TPRX1: variants seen among roughly 807,000 people sequenced by gnomAD.
TPRX1 encodes tetra-peptide repeat homeobox protein 1.
Under a neutral mutation model 8.1 loss-of-function variants are expected in TPRX1, and 2 were observed. That is an observed-to-expected ratio of 0.25 (90% confidence interval 0.10 to 0.78). TPRX1 has a LOEUF of 0.78. Among genes scored for constraint, TPRX1 ranks in the 30% least tolerant of loss-of-function variants. TPRX1 has a pLI of 0.70. For synonymous variants in TPRX1, 257 were observed against 254.1 expected (o/e 1.01, Z -0.11); for missense variants, 517 against 586.9 (o/e 0.88, Z 1.23).
chr19:47,802,143 G>T (rs1481656838), exon 4 of TPRX1: 1 of 1,591,706 alleles, frequency 6.3e-7, no homozygotes, highest in South Asian at 1.2e-5. Context: ...ATCCGGCCAG[G>T]ACTTAAGATG....
At chr19:47,815,125 T>TATATATATATATATGCAA (rs1555800010) in intron 2 of TPRX1, among the ~76,000 whole-genome samples, 5,135 of 97,184 alleles carry the variant, frequency 0.053, 258 homozygotes, top group Non-Finnish European at 0.087. Flanking sequence ...TATATATATA[T>TATATATATATATATGCAA]ATATATATAT....
At chr19:47,811,896 C>T (rs1225896425) in intron 2 of TPRX1, among the ~76,000 whole-genome samples, 5 of 151,476 alleles carry the variant, frequency 3.3e-5, no homozygotes, top group South Asian at 2.1e-4. Context: ...GACGGAGTTT[C>T]GCTCTTGTTG....
chr19:47,802,515 G>C lies in TPRX1; in HGVS notation c.787C>G (p.Pro263Ala), dbSNP rs998707960. 13 of 1,548,346 alleles carry C rather than the reference G, an allele frequency of 8.4e-6. No homozygotes were observed. In the African/African-American group the frequency reaches 1.2e-4, roughly 15 times the overall value. ...GGGCCTGAGAATGGGCCTGAGATTG[G>C]GCCTGGGATCGGGGCTGGGCCTGAA... The change falls in exon 4 of 4, where the codon CCA becomes GCA. Residue 263 changes from proline to alanine, a missense_variant. Pro to Ala is a conservative substitution (Grantham distance 27, BLOSUM62 -1). Transcript: ENST00000535759.
intron 2 of TPRX1, among the ~76,000 whole-genome samples, chr19:47,815,117 TATA>T (rs1967820292): frequency 1.4e-5 from 1 of 70,894 alleles, no homozygotes; most frequent in Non-Finnish European, 2.8e-5. Context: ...AGATAAATTA[TATA>T]TATATATATA....
At chr19:47,818,246 C>CCCAT (rs756906028) in intron 2 of TPRX1, among the ~76,000 whole-genome samples, 2,393 of 129,806 alleles carry the variant, frequency 0.018, 67 homozygotes, top group African/African-American at 0.054. Flanking sequence ...CCATCCATCA[C>CCCAT]CCATCCATCC....
chr19:47,801,824 C>G, exon 4 of TPRX1: 1 of 1,614,072 alleles, frequency 6.2e-7, no homozygotes, highest in South Asian at 1.1e-5. Context: ...ATTCACAGAG[C>G]CACCCTCCTC....
At chr19:47,801,901 G>A in exon 4 of TPRX1, 4 of 1,614,184 alleles carry the variant, frequency 2.5e-6, no homozygotes, top group Non-Finnish European at 3.4e-6. Flanking sequence ...GAGAGGTCAT[G>A]GTGGAGACTG....
intron 2 of TPRX1, among the ~76,000 whole-genome samples, chr19:47,811,597 C>G (rs1215971790): frequency 6.7e-6 from 1 of 150,298 alleles, no homozygotes; most frequent in African/African-American, 2.5e-5. Context: ...CTCCCGGATT[C>G]AAGCGATTCT....
chr19:47,811,496 CT>C (rs34677329), intron 2 of TPRX1, among the ~76,000 whole-genome samples: 14,280 of 118,360 alleles, frequency 0.12, 693 homozygotes, highest in Middle Eastern at 0.2. Context: ...TTCATGGCAA[CT>C]TTTTTTTTTT....
intron 2 of TPRX1, among the ~76,000 whole-genome samples, chr19:47,807,935 A>G (rs574755955): frequency 7.9e-5 from 12 of 151,686 alleles, no homozygotes; most frequent in African/African-American, 2.2e-4. Flanking sequence ...CTTTGACTCA[A>G]TGATTTTTTT....
chr19:47,809,425 C>T (rs76963106), intron 2 of TPRX1, among the ~76,000 whole-genome samples: 1 of 151,928 alleles, frequency 6.6e-6, no homozygotes, highest in East Asian at 1.9e-4. Context: ...AGAGGACAGG[C>T]GCATGTGCCA....
At chr19:47,813,766 C>T (rs999962769) in intron 2 of TPRX1, among the ~76,000 whole-genome samples, 5 of 152,022 alleles carry the variant, frequency 3.3e-5, no homozygotes, top group African/African-American at 7.3e-5. Context: ...ACCCCCAAAT[C>T]GGATCTAATT....
intron 2 of TPRX1, among the ~76,000 whole-genome samples, chr19:47,811,496 CTTTT>C (rs34677329): frequency 8.4e-6 from 1 of 118,512 alleles, no homozygotes; most frequent in Non-Finnish European, 1.7e-5. Flanking sequence ...TTCATGGCAA[CTTTT>C]TTTTTTTTTT....
chr19:47,812,877 G>A (rs1043139726), intron 2 of TPRX1, among the ~76,000 whole-genome samples: 14 of 151,578 alleles, frequency 9.2e-5, no homozygotes, highest in African/African-American at 2.9e-4. Flanking sequence ...AGGCCGAGGC[G>A]GGTGGATCAC....
chr19:47,804,415 G>A (rs150608199), intron 2 of TPRX1, among the ~76,000 whole-genome samples, 100 bp downstream of exon 1: 4,268 of 138,658 alleles, frequency 0.031, 18 homozygotes, highest in African/African-American at 0.09. Context: ...ACAGGAAGCC[G>A]CCCGCACAGG....
At chr19:47,803,025 G>C (rs753424671) in intron 3 of TPRX1, 45 bp from the exon 3 acceptor site, 1 of 1,503,506 alleles carries the variant, frequency 6.7e-7, no homozygotes. Context: ...GGAGGGGCTC[G>C]CGCGGCCCAG....
chr19:47,813,821 C>T (rs1967806821), intron 2 of TPRX1, among the ~76,000 whole-genome samples: 1 of 151,914 alleles, frequency 6.6e-6, no homozygotes, highest in Non-Finnish European at 1.5e-5. Flanking sequence ...AGGATTGGAA[C>T]ATTTGCTAAA....
At chr19:47,802,451 A>ATCGGGCCTGGGT (rs1223790060) in exon 4 of TPRX1, 1 of 1,467,430 alleles carries the variant, frequency 6.8e-7, no homozygotes, top group African/African-American at 1.6e-5. Flanking sequence ...TGGGCCTGGG[A>ATCGGGCCTGGGT]TCGGGCCTGG....
At chr19:47,818,636 G>A (rs1486769233) in intron 1 of TPRX1, 2 of 443,834 alleles carry the variant, frequency 4.5e-6, no homozygotes, top group Non-Finnish European at 9.1e-6. Flanking sequence ...CAGGTATGAG[G>A]AGCACCCCCA....
Sources: allele counts gnomAD v4.1 joint callset (sites outside exome capture counted in the v4.1 genomes callset), GRCh38; gene constraint gnomAD v4.1.1; transcripts MANE v1.5; gene names NCBI Gene and HGNC (gene_info 2026-07-23, HGNC 2026-07-21).